Variants in FCSK observed in about 807,000 individuals in gnomAD.
The protein encoded by FCSK is fucose kinase, also known as L-fucose kinase.
FCSK carries 123 observed loss-of-function variants against 122.5 expected under a neutral mutation model. That is an observed-to-expected ratio of 1.00 (90% CI 0.87 to 1.17). The LOEUF (loss-of-function observed/expected upper bound fraction) is 1.17. Ranked by LOEUF, FCSK falls within the 50% of genes most tolerant of loss-of-function variation. The pLI, the probability that FCSK is intolerant of heterozygous loss-of-function variation, is 0.00. For synonymous variants in FCSK, 620 were observed against 625.5 expected (o/e 0.99, Z 0.13); for missense variants, 1,366 against 1,450.4 (o/e 0.94, Z 0.95).
intron 7 of FCSK, chr16:70,467,673 C>G (rs2048466535): frequency 3.2e-6 from 2 of 634,582 alleles, no homozygotes; most frequent in African/African-American, 1.8e-5. Flanking sequence ...TGTCCAGTCT[C>G]TGTGCCCAGG....
At position 70,463,730 on chromosome 16, in the gene FCSK, C is replaced by A; in HGVS notation, c.190C>A (p.Leu64Met). Residue 64 changes from leucine to methionine, a missense_variant, in exon 3 of 24, where the codon CTG (leucine) becomes ATG (methionine). Leu to Met is a conservative substitution (Grantham distance 15). Coordinates refer to ENST00000288078, the MANE Select transcript of FCSK (RefSeq NM_145059.3). ...CAGCGGAGGAGCCACCCTCAACGCC[C>A]TGCTGGTGGCTGCTGAACACCTGAG... ...VGSGGATLNA[L>M]LVAAEHLSAR... is the part of the protein sequence containing the mutation. The A allele has an allele frequency of 6.2e-7, 1 of 1,612,350 alleles. No individual in the cohort carries two copies. Among genetic ancestry groups the A allele is most frequent in the Non-Finnish European group, 8.5e-7 (1 of 1,179,900 alleles).
chr16:70,457,071 AG>A (rs2048113647), intron 1 of FCSK, among the ~76,000 whole-genome samples: 1 of 152,050 alleles, frequency 6.6e-6, no homozygotes, highest in African/African-American at 2.4e-5. Context: ...GGAAGCAGGA[AG>A]AGGTAGAGAT....
chr16:70,456,480 G>T (rs1330166629), intron 1 of FCSK, among the ~76,000 whole-genome samples: 1 of 152,098 alleles, frequency 6.6e-6, no homozygotes, highest in Non-Finnish European at 1.5e-5. Flanking sequence ...CTTGATTCCC[G>T]AGGCCTTCCC....
rs1328794238 is a variant in FCSK, at chr16:70,475,461, C to A, written c.2489C>A (p.Thr830Asn). ...RTFGGGFELH[T>N]WSELPHGSGL... The stretch of plus-strand genomic sequence containing the variant: ...TTCGGGGGCGGCTTTGAGCTGCACA[C>A]CTGGTCTGAGCTGCCCCACGGCTCT... The change falls in exon 19 of 24, where the codon ACC becomes AAC. Residue 830 changes from threonine (T) to asparagine (N), a missense_variant. Physicochemically the swap from Thr to Asn is moderately conservative, Grantham distance 65 (BLOSUM62 0). Coordinates refer to ENST00000288078, the MANE Select transcript of FCSK (RefSeq NM_145059.3). The A allele has an allele frequency of 1.7e-5, 27 of 1,605,806 alleles. No individual in the cohort carries two copies. The highest frequency in any genetic ancestry group is 2.1e-5 in the Non-Finnish European group (25 of 1,179,482).
chr16:70,456,774 A>G (rs1018265835), intron 1 of FCSK, among the ~76,000 whole-genome samples: 21 of 152,184 alleles, frequency 1.4e-4, no homozygotes, highest in Admixed American at 1.1e-3. Context: ...TAATCCCAGC[A>G]CTTTGGGAGG....
chr16:70,459,172 A>G (rs2048184006), intron 1 of FCSK, among the ~76,000 whole-genome samples: 1 of 150,540 alleles, frequency 6.6e-6, no homozygotes, highest in Admixed American at 6.6e-5. Flanking sequence ...GCAGTGAGTT[A>G]TGATTGCACC....
At chr16:70,469,906 G>A (rs900054332) in intron 10 of FCSK, among the ~76,000 whole-genome samples, 3 of 151,318 alleles carry the variant, frequency 2.0e-5, no homozygotes, top group Non-Finnish European at 4.4e-5. Flanking sequence ...GTGCAGTGGC[G>A]TAATTTCGGC....
At chr16:70,457,007 G>A (rs1400534318) in intron 1 of FCSK, among the ~76,000 whole-genome samples, 6 of 151,648 alleles carry the variant, frequency 4.0e-5, no homozygotes, top group African/African-American at 1.5e-4. Context: ...GTGACAGAGC[G>A]AGACTCCATC....
intron 1 of FCSK, among the ~76,000 whole-genome samples, chr16:70,458,976 G>T (rs768619696): frequency 1.3e-5 from 2 of 151,710 alleles, no homozygotes; most frequent in South Asian, 2.1e-4. Flanking sequence ...AAAAAAAAAG[G>T]CTGAGGCAGG....
chr16:70,474,618 C>G lies in FCSK; in HGVS notation c.2079C>G (p.Val693=), dbSNP rs745471444. 4 of 1,587,044 alleles carry G rather than the reference C, an allele frequency of 2.5e-6. No individual in the cohort carries two copies. The East Asian group carries it at 9.1e-5, about 36-fold the overall frequency. ...RQAVMSAQHF[V]STEQVELPGP... is the part of the protein sequence containing the mutation. ...CTGTGATGTCAGCCCAGCACTTTGT[C>G]TCCACAGAGCAGGTGGAACTGCCGG... Residue 693 remains valine, a synonymous_variant, in exon 17 of 24, where the codon GTC becomes GTG. Coordinates refer to ENST00000288078, the MANE Select transcript of FCSK (RefSeq NM_145059.3).
In FCSK at chr16:70,475,481, G is replaced by C. The variant is rs758549850; in HGVS notation, c.2509G>C (p.Gly837Arg). ...ELHTWSELPHGSGLGTSSILA... is the reference protein window; with the variant it reads ...ELHTWSELPHRSGLGTSSILA... ...GCACACCTGGTCTGAGCTGCCCCAC[G>C]GCTCTGGCCTGGGTGAGCGGGCCCT... is the stretch of plus-strand genomic sequence containing the variant. Residue 837 changes from glycine to arginine, a missense_variant, in exon 19 of 24, where the codon GGC (glycine) becomes CGC (arginine). By Grantham distance (125) the Gly-to-Arg change is moderately radical. Coordinates refer to ENST00000288078, the MANE Select transcript of FCSK (RefSeq NM_145059.3). 6.2e-7 allele frequency: 1 copy of C among 1,602,974 alleles called. No homozygotes were observed. Among genetic ancestry groups the C allele is most frequent in the African/African-American group, 1.3e-5 (1 of 74,870 alleles).
rs1328658723 is a variant in FCSK, at chr16:70,469,153, T to C, written c.785T>C (p.Leu262Pro). Reference protein sequence around the residue: ...GLDSGARPVQLSLFFDILHCM... With the variant: ...GLDSGARPVQPSLFFDILHCM... ...CTGTGCTTCTTCCCCTTCCCCTAGC[T>C]GTCTCTGTTTTTTGACATTCTCCAC... The change falls in exon 10 of 24, where the codon CTG becomes CCG. Residue 262 changes from leucine to proline, a missense_variant and splice_region_variant. Leu to Pro is a moderately conservative substitution (Grantham distance 98, BLOSUM62 -3). Coordinates refer to ENST00000288078, the MANE Select transcript of FCSK (RefSeq NM_145059.3). 2 of 1,613,990 alleles carry C rather than the reference T, an allele frequency of 1.2e-6. No individual in the cohort carries two copies. The highest frequency in any genetic ancestry group is 2.7e-5 in the African/African-American group (2 of 74,938).
chr16:70,465,703 C>CA (rs1309905378), intron 4 of FCSK, among the ~76,000 whole-genome samples: 11 of 152,104 alleles, frequency 7.2e-5, no homozygotes, highest in Non-Finnish European at 1.3e-4. Flanking sequence ...GTGGCTCACA[C>CA]AGCGCTTTGG....
chr16:70,462,006 G>T (rs775417929), intron 1 of FCSK, among the ~76,000 whole-genome samples: 3 of 152,136 alleles, frequency 2.0e-5, no homozygotes, highest in Non-Finnish European at 4.4e-5. Context: ...AAACAGATGC[G>T]GCCCATCCAT....
chr16:70,474,593 C>T lies in FCSK; in HGVS notation c.2054C>T (p.Ala685Val). The T allele has an allele frequency of 1.9e-6, 3 of 1,570,772 alleles. No homozygotes were observed. Among genetic ancestry groups the T allele is most frequent in the Non-Finnish European group, 2.6e-6 (3 of 1,157,654 alleles). ...GCTGGTCAGATCCTGATCCGCCAGG[C>T]TGTGATGTCAGCCCAGCACTTTGTC... ...EGAGQILIRQ[A>V]VMSAQHFVST... Residue 685 changes from alanine (A) to valine (V), a missense_variant, in exon 17 of 24, where the codon GCT becomes GTT. Coordinates refer to ENST00000288078, the MANE Select transcript of FCSK (RefSeq NM_145059.3).
intron 13 of FCSK, 63 bp from the exon 14 acceptor site, chr16:70,472,478 C>A: frequency 7.3e-7 from 1 of 1,364,572 alleles, no homozygotes; most frequent in Non-Finnish European, 1.0e-6. Flanking sequence ...GGCCCCCTGG[C>A]CGAGTGTCTC....
In FCSK at chr16:70,478,391, C is replaced by T. The variant is rs1390418903; in HGVS notation, c.2761C>T (p.Gln921Ter). 6.2e-7 allele frequency: 1 copy of T among 1,614,204 alleles called. No individual in the cohort carries two copies. The highest frequency in any genetic ancestry group is 8.5e-7 in the Non-Finnish European group (1 of 1,180,034). Residue 921 changes from glutamine (Q) to a stop codon, truncating the protein, a stop_gained, in exon 21 of 24, where the codon CAG becomes TAG. Transcript: ENST00000288078. LOFTEE classifies it high-confidence loss of function. ...EEVTVPEGFV[Q>*]KLNDHLLLVY... ...GGTCACGGTGCCTGAGGGCTTTGTC[C>T]AGAAGCTCAATGACCACCTGCTCTT... is the stretch of plus-strand genomic sequence containing the variant.
intron 11 of FCSK, 126 bp from the exon 12 acceptor site, chr16:70,470,845 T>C: frequency 3.8e-6 from 3 of 787,270 alleles, no homozygotes. Context: ...GAGAGGAGTC[T>C]AGGGTGCTGC....
rs2048753986 is a variant in FCSK at position 70,474,928 on chromosome 16, G to A, written c.2294G>A (p.Gly765Glu). ...IPEPELWLAV[G>E]PRQDEMTVKI... Reference sequence around the variant, plus strand: ...GAGCCTGAGCTGTGGCTGGCGGTGGGGCCTCGGCAGGATGAGATGACTGTG... The same window carrying A: ...GAGCCTGAGCTGTGGCTGGCGGTGGAGCCTCGGCAGGATGAGATGACTGTG... The change falls in exon 18 of 24, where the codon GGG (glycine) becomes GAG (glutamate). Residue 765 changes from glycine (G) to glutamate (E), a missense_variant. Transcript: ENST00000288078. 1 of 1,611,222 alleles carries A rather than the reference G, an allele frequency of 6.2e-7. No individual in the cohort carries two copies. The highest frequency in any genetic ancestry group is 8.5e-7 in the Non-Finnish European group (1 of 1,179,268).
Sources: gnomAD v4.1 joint callset for allele counts (sites outside exome capture counted in the v4.1 genomes callset) on GRCh38, gnomAD v4.1.1 for gene constraint, MANE v1.5 for transcripts, NCBI Gene and HGNC (gene_info 2026-07-23, HGNC 2026-07-21) for gene names.